Variants in SMARCAL1 observed in about 807,000 individuals in gnomAD.
The protein encoded by SMARCAL1 is SNF2 related chromatin remodeling annealing helicase 1.
A neutral mutation model predicts 94.5 loss-of-function variants in SMARCAL1; 58 were observed. That is an observed-to-expected ratio of 0.61 (90% confidence interval 0.50 to 0.76). SMARCAL1 has a LOEUF of 0.76. Ranked by LOEUF, SMARCAL1 falls within the 30% of genes least tolerant of loss-of-function variation. The probability of loss-of-function intolerance (pLI) is 0.00; values close to 1 mark genes in which losing one functional copy is unlikely to be tolerated. For synonymous variants in SMARCAL1, 422 were observed against 455.1 expected (o/e 0.93, Z 0.93); for missense variants, 1,051 against 1,177.9 (o/e 0.89, Z 1.58).
At chr2:216,423,751 G>C (rs1454404532) in intron 6 of SMARCAL1, 68 bp downstream of exon 6, 1 of 1,410,092 alleles carries the variant, frequency 7.1e-7, no homozygotes, top group Non-Finnish European at 1.0e-6. Flanking sequence ...CCTTAAATTT[G>C]ATGTATTTTT....
chr2:216,413,145 G>A (rs1201350266), intron 1 of SMARCAL1, among the ~76,000 whole-genome samples: 15 of 143,680 alleles, frequency 1.0e-4, no homozygotes, highest in African/African-American at 3.8e-4. Flanking sequence ...ATACTTCGTG[G>A]TGGGGGAGGG....
At chr2:216,429,644 A>G (rs1257559004) in intron 7 of SMARCAL1, among the ~76,000 whole-genome samples, 1 of 152,006 alleles carries the variant, frequency 6.6e-6, no homozygotes, top group Non-Finnish European at 1.5e-5. Context: ...AAGGGAAGGA[A>G]CCTAAATTAA....
intron 11 of SMARCAL1, among the ~76,000 whole-genome samples, chr2:216,448,295 T>C (rs1694363322): frequency 6.6e-6 from 1 of 152,208 alleles, no homozygotes; most frequent in Admixed American, 6.5e-5. Context: ...AAACTCTTCA[T>C]GTATGATTTG....
intron 6 of SMARCAL1, 66 bp from the exon 7 acceptor site, chr2:216,428,530 C>T: frequency 6.8e-7 from 1 of 1,470,498 alleles, no homozygotes; most frequent in East Asian, 2.3e-5. Flanking sequence ...TATCCCAAAG[C>T]TCCTCTTTCT....
Position 216,430,737 on chromosome 2 carries a change from G to A in SMARCAL1, c.1334+1955G>A, listed in dbSNP as rs540044184. On this transcript the variant is annotated intron_variant, in intron 7 of 17. Coordinates refer to ENST00000357276, the MANE Select transcript of SMARCAL1 (RefSeq NM_014140.4). ...GACCAAACTTCTGGAAATTATAGAT[G>A]GTAAAGCTGAGAAGGCTGAAACAAA... 1.9e-4 allele frequency among the ~76,000 whole-genome samples: 29 copies of A among 152,300 alleles called. 1 individual carries two copies. The South Asian group carries it at 6.0e-3, about 32-fold the overall frequency.
chr2:216,442,898 C>A (rs1312073263), intron 10 of SMARCAL1, among the ~76,000 whole-genome samples: 3 of 152,068 alleles, frequency 2.0e-5, no homozygotes, highest in Admixed American at 2.0e-4. Flanking sequence ...GCCTATCAGG[C>A]CAGAGGGGAG....
rs200528251 is a variant in SMARCAL1 at position 216,471,356 on chromosome 2, AT to A, written c.2244+3327del. 7.2e-3 allele frequency among the ~76,000 whole-genome samples: 1,035 copies of A among 143,088 alleles called. 11 individuals carry two copies. Among genetic ancestry groups the A allele is most frequent in the East Asian group, 0.042 (208 of 4,934 alleles). 93.9% of individuals were successfully genotyped at this position (143,088 alleles called of 152,430 possible). A position where few individuals can be genotyped will look rare whatever the true frequency, so the allele number is the denominator to read the frequency against. ...TCTGTGACACATACACAGTGATTAA[AT>A]TTTTTTTTTTTTTTTTGAGGTGGAG... On this transcript the variant is annotated intron_variant, in intron 14 of 17. Transcript: ENST00000357276.
chr2:216,461,054 A>AGG (rs1694686364), intron 12 of SMARCAL1, among the ~76,000 whole-genome samples: 7 of 106,942 alleles, frequency 6.5e-5, no homozygotes, highest in Non-Finnish European at 1.9e-5. Context: ...AACTAGAAAG[A>AGG]GGTGTGTGTG....
intron 7 of SMARCAL1, among the ~76,000 whole-genome samples, chr2:216,429,780 T>G (rs574381145): frequency 6.6e-6 from 1 of 152,154 alleles, no homozygotes; most frequent in Non-Finnish European, 1.5e-5. Context: ...CAGTGCACTT[T>G]ATTATGTTAC....
At chr2:216,429,959 T>C (rs1693928226) in intron 7 of SMARCAL1, among the ~76,000 whole-genome samples, 1 of 152,176 alleles carries the variant, frequency 6.6e-6, no homozygotes, top group Non-Finnish European at 1.5e-5. Flanking sequence ...CTTTCATCTT[T>C]CTTTCTCTGG....
At chr2:216,416,076 G>A in intron 3 of SMARCAL1, 181 bp from the exon 4 acceptor site, 1 of 606,442 alleles carries the variant, frequency 1.6e-6, no homozygotes, top group Non-Finnish European at 3.1e-6. Context: ...CCACTACATG[G>A]AATAAAAGAA....
intron 12 of SMARCAL1, among the ~76,000 whole-genome samples, chr2:216,456,156 A>G (rs1694562531): frequency 8.0e-6 from 1 of 124,562 alleles, no homozygotes; most frequent in Non-Finnish European, 1.9e-5. Flanking sequence ...GAGAAAAAAG[A>G]ATAAAAAGAA....
At chr2:216,422,512 T>C (rs1203715283) in intron 5 of SMARCAL1, among the ~76,000 whole-genome samples, 2 of 152,310 alleles carry the variant, frequency 1.3e-5, no homozygotes, top group South Asian at 2.1e-4. Context: ...AAAACCGTGA[T>C]TGGTTCCTTT....
intron 12 of SMARCAL1, among the ~76,000 whole-genome samples, chr2:216,460,291 A>T (rs1694666187): frequency 6.6e-6 from 1 of 152,202 alleles, no homozygotes; most frequent in African/African-American, 2.4e-5. Flanking sequence ...TTCCTCAGGG[A>T]TGTAGAACTA....
chr2:216,480,512 A>G (rs367852650), intron 17 of SMARCAL1, among the ~76,000 whole-genome samples: 2 of 152,184 alleles, frequency 1.3e-5, no homozygotes, highest in East Asian at 1.9e-4. Context: ...GCAGTCATTC[A>G]GAAAGAGGCT....
Position 216,428,716 on chromosome 2 carries a change from C to A in SMARCAL1, c.1268C>A (p.Ala423Glu). The A allele has an allele frequency of 6.2e-7, 1 of 1,614,242 alleles. No individual in the cohort carries two copies. The highest frequency in any genetic ancestry group is 8.5e-7 in the Non-Finnish European group (1 of 1,180,036). Residue 423 changes from alanine to glutamate, a missense_variant, in exon 7 of 18, where the codon GCA becomes GAA. Ala to Glu is a moderately radical substitution (Grantham distance 107). This residue lies in a region of SMARCAL1 where 642 missense variants were observed against 754.7 expected (regional missense o/e 0.85). Coordinates refer to ENST00000357276, the MANE Select transcript of SMARCAL1 (RefSeq NM_014140.4). ...AGTCTCACGCCAGATGTCCCAGAGGCAGACCTTTCTGAAGTGGACCCCAAG... is the reference window on the plus strand; with the variant it reads ...AGTCTCACGCCAGATGTCCCAGAGGAAGACCTTTCTGAAGTGGACCCCAAG... ...SLSLTPDVPE[A>E]DLSEVDPKLV...
At chr2:216,477,009 G>A (rs1271972891) in intron 15 of SMARCAL1, 100 bp from the exon 16 acceptor site, 2 of 894,712 alleles carry the variant, frequency 2.2e-6, no homozygotes, top group Non-Finnish European at 3.6e-6. Flanking sequence ...AGGGAGGGTT[G>A]TGGTGGGACT....
intron 10 of SMARCAL1, among the ~76,000 whole-genome samples, chr2:216,439,234 G>A (rs1459915909): frequency 6.6e-6 from 1 of 152,028 alleles, no homozygotes; most frequent in African/African-American, 2.4e-5. Flanking sequence ...TGCAATATAG[G>A]CTCTGTATTT....
intron 14 of SMARCAL1, 81 bp downstream of exon 14, chr2:216,468,127 C>A: frequency 1.1e-6 from 1 of 911,210 alleles, no homozygotes; most frequent in Non-Finnish European, 1.8e-6. Context: ...CAGATCCAAG[C>A]AAAGTGAGAC....
Sources: allele counts gnomAD v4.1 joint callset (sites outside exome capture counted in the v4.1 genomes callset), GRCh38; gene constraint gnomAD v4.1.1; regional missense constraint gnomAD v4.1.1; transcripts MANE v1.5; gene names NCBI Gene and HGNC (gene_info 2026-07-23, HGNC 2026-07-21).